FHL2: variants seen among roughly 807,000 people sequenced by gnomAD.
FHL2 encodes four and a half LIM domains protein 2.
FHL2 carries 20 observed loss-of-function variants against 32.7 expected under a neutral mutation model. The observed-to-expected ratio is 0.61, with a 90% CI of 0.43 to 0.89. The LOEUF is 0.89. FHL2 is among the 40% of genes least tolerant of loss of function. The pLI is 0.00. For synonymous variants in FHL2, 123 were observed against 128.1 expected (o/e 0.96, Z 0.27); for missense variants, 311 against 358.6 (o/e 0.87, Z 1.07).
downstream of FHL2, chr2:105,359,592 T>G (rs1680137830): frequency 6.6e-6 from 1 of 152,218 alleles, no homozygotes; most frequent in African/African-American, 2.4e-5. Flanking sequence ...TAAAGAGAAC[T>G]GTGCAATGTT....
intron 4 of FHL2, among the ~76,000 whole-genome samples, chr2:105,368,565 A>G (rs1680800463): frequency 6.6e-6 from 1 of 152,212 alleles, no homozygotes; most frequent in Non-Finnish European, 1.5e-5. Context: ...TGTCTTTTGA[A>G]TAACTATTAG....
At chr2:105,427,108 A>T (rs1282680090) in intron 1 of FHL2, among the ~76,000 whole-genome samples, 2 of 152,090 alleles carry the variant, frequency 1.3e-5, no homozygotes, top group Non-Finnish European at 2.9e-5. Context: ...GAAAAAGAAA[A>T]CCTGCAAAGA....
At chr2:105,407,537 G>A (rs933714171) in intron 1 of FHL2, among the ~76,000 whole-genome samples, 6 of 151,952 alleles carry the variant, frequency 3.9e-5, no homozygotes, top group African/African-American at 1.2e-4. Context: ...GCTTTGCACC[G>A]AGATCCAGTT....
At position 105,399,037 on chromosome 2, in the gene FHL2, C is replaced by A; in HGVS notation, c.-271G>T. 2.7e-6 allele frequency: 4 copies of A among 1,495,282 alleles called. No homozygotes were observed. The highest frequency in any genetic ancestry group is 3.6e-6 in the Non-Finnish European group (4 of 1,124,910). The allele number at this position is 1,495,282 out of a possible 1,614,324, so 92.6% of individuals were successfully genotyped here. A position where few individuals can be genotyped will look rare whatever the true frequency, so the allele number is the denominator to read the frequency against. ...CGCGGGCGGCTGGTGGCTGCGGCTC[C>A]GCTGCCGGCCGAGTGGAGCGCTGCG... On this transcript the variant is annotated 5_prime_UTR_variant, in exon 1 of 7. Coordinates refer to ENST00000530340, the MANE Select transcript of FHL2 (RefSeq NM_001318895.3).
intron 1 of FHL2, among the ~76,000 whole-genome samples, chr2:105,433,369 G>T (rs7568940): frequency 6.6e-6 from 1 of 151,776 alleles, no homozygotes; most frequent in African/African-American, 2.4e-5. Flanking sequence ...TTTAGGAGAG[G>T]CAGGGTTTCC....
intron 1 of FHL2, among the ~76,000 whole-genome samples, chr2:105,432,164 G>A (rs1187376122): frequency 6.6e-6 from 1 of 152,170 alleles, no homozygotes; most frequent in Non-Finnish European, 1.5e-5. Context: ...TTGTGGGTGT[G>A]CTTATTTCTC....
chr2:105,386,277 G>A (rs750810551), intron 3 of FHL2, 84 bp downstream of exon 3: 12 of 1,489,374 alleles, frequency 8.1e-6, no homozygotes, highest in Non-Finnish European at 1.1e-5. Flanking sequence ...CTTCAGTGGT[G>A]GATCAGGGCT....
chr2:105,392,813 T>C (rs1469733853), intron 2 of FHL2, among the ~76,000 whole-genome samples: 1 of 2,586 alleles, frequency 3.9e-4, no homozygotes, highest in Non-Finnish European at 1.5e-3. Flanking sequence ...GCCAGGAAGC[T>C]TTTTTTTTTT....
chr2:105,398,885 G>A lies in FHL2; in HGVS notation c.-119C>T. The A allele has an allele frequency of 1.3e-6, 2 of 1,517,482 alleles. No homozygotes were observed. Among genetic ancestry groups the A allele is most frequent in the Non-Finnish European group, 8.8e-7 (1 of 1,136,136 alleles). 94.0% of individuals were successfully genotyped at this position (1,517,482 alleles called of 1,614,324 possible). A position where few individuals can be genotyped will look rare whatever the true frequency, so the allele number is the denominator to read the frequency against. ...CTCTGCTCCCCTCTCCTTGGGTCTC[G>A]CACCGGATTCGGCCCCCACTTCCGA... On this transcript the variant is annotated 5_prime_UTR_variant, in exon 1 of 7. Transcript: ENST00000530340.
chr2:105,432,068 G>A (rs1210206720), intron 1 of FHL2, among the ~76,000 whole-genome samples: 1 of 152,196 alleles, frequency 6.6e-6, no homozygotes, highest in Non-Finnish European at 1.5e-5. Context: ...CTTGTGGAGA[G>A]CCCTGTCTTA....
chr2:105,357,865 C>T (rs1378081761), downstream of FHL2: 1 of 152,090 alleles, frequency 6.6e-6, no homozygotes, highest in East Asian at 1.9e-4. Flanking sequence ...TGTGTTCAGC[C>T]AGTGTTTGGT....
Position 105,361,444 on chromosome 2 carries a change from G to C in FHL2, c.689-10C>G, listed in dbSNP as rs115841332. 8.0e-4 allele frequency: 1,287 copies of C among 1,610,242 alleles called. 12 individuals are homozygous for C. The African/African-American group carries it at 0.015, about 19-fold the overall frequency. On this transcript the variant is annotated splice_polypyrimidine_tract_variant and intron_variant, in intron 6 of 6. Coordinates refer to ENST00000530340, the MANE Select transcript of FHL2 (RefSeq NM_001318895.3). ...TTTGTGCCACCAAGTCCTGTTAACA[G>C]AGAGAAAATAATACCGGATGAAGAA...
intron 1 of FHL2, among the ~76,000 whole-genome samples, chr2:105,410,292 C>G (rs1683753547): frequency 6.6e-6 from 1 of 152,206 alleles, no homozygotes; most frequent in Admixed American, 6.5e-5. Context: ...GTTGCTTCAC[C>G]TTCTAGTGGC....
Position 105,398,959 on chromosome 2 carries a change from G to A in FHL2, c.-193C>T. 6.5e-7 allele frequency: 1 copy of A among 1,531,890 alleles called. No individual in the cohort carries two copies. The highest frequency in any genetic ancestry group is 8.7e-7 in the Non-Finnish European group (1 of 1,143,612). 94.9% of individuals were successfully genotyped at this position (1,531,890 alleles called of 1,614,324 possible). On this transcript the variant is annotated 5_prime_UTR_variant, in exon 1 of 7. Transcript: ENST00000530340. ...CCTCCCTCCGGGGCGCAGGGGGTTG[G>A]AGGTACTCACGGCACCGCAGCGGGC...
intron 4 of FHL2, among the ~76,000 whole-genome samples, chr2:105,370,213 C>A (rs549238054): frequency 6.6e-6 from 1 of 151,728 alleles, no homozygotes; most frequent in East Asian, 1.9e-4. Flanking sequence ...TCTCTACCCC[C>A]CCAAAAAAAA....
At chr2:105,427,168 G>T (rs1413615747) in intron 1 of FHL2, among the ~76,000 whole-genome samples, 4 of 152,138 alleles carry the variant, frequency 2.6e-5, no homozygotes, top group Non-Finnish European at 5.9e-5. Context: ...ACACCAGGAA[G>T]TACATTTTTT....
chr2:105,381,761 C>T (rs186852447), intron 3 of FHL2, among the ~76,000 whole-genome samples: 59 of 152,196 alleles, frequency 3.9e-4, no homozygotes, highest in Non-Finnish European at 5.0e-4. Flanking sequence ...AAATTCTACA[C>T]GGAAGAAGAT....
intron 1 of FHL2, among the ~76,000 whole-genome samples, chr2:105,405,272 T>A (rs1683591914): frequency 6.6e-6 from 1 of 152,218 alleles, no homozygotes; most frequent in African/African-American, 2.4e-5. Flanking sequence ...AAAGGAAGTA[T>A]TAATGTCTAA....
chr2:105,438,520 C>T, upstream of FHL2: 1 of 985,534 alleles, frequency 1.0e-6, no homozygotes. Flanking sequence ...AGCTGCGCTG[C>T]CCTTGTCAGT....
Sources: allele counts gnomAD v4.1 joint callset (sites outside exome capture counted in the v4.1 genomes callset), GRCh38; gene constraint gnomAD v4.1.1; transcripts MANE v1.5; gene names NCBI Gene and HGNC (gene_info 2026-07-23, HGNC 2026-07-21).